SLC9A9: variants seen among roughly 807,000 people sequenced by gnomAD.
The protein encoded by SLC9A9 is sodium/hydrogen exchanger 9.
Under a neutral mutation model 77.8 loss-of-function variants are expected in SLC9A9, and 62 were observed. The ratio of observed to expected loss-of-function variants is 0.80; its 90% confidence interval spans 0.65 to 0.98. SLC9A9 has a LOEUF of 0.98. Among genes scored for constraint, SLC9A9 ranks in the 50% least tolerant of loss-of-function variants. SLC9A9 has a pLI of 0.00. For missense variants in SLC9A9, 775 were observed against 774.9 expected (o/e 1.00, Z 0.00); for synonymous variants, 320 against 283.5 (o/e 1.13, Z -1.29).
At chr3:143,782,447 A>C (rs1398628385) in intron 4 of SLC9A9, among the ~76,000 whole-genome samples, 1 of 152,202 alleles carries the variant, frequency 6.6e-6, no homozygotes, top group Non-Finnish European at 1.5e-5. Flanking sequence ...GGCGCAATTT[A>C]AATTGCAAGA....
chr3:143,663,766 A>G (rs1284895125), intron 5 of SLC9A9, among the ~76,000 whole-genome samples: 1 of 152,192 alleles, frequency 6.6e-6, no homozygotes, highest in African/African-American at 2.4e-5. Context: ...AAGTTTAGAG[A>G]AAAAAGAGTA....
chr3:143,339,854 T>C (rs1205483093), intron 14 of SLC9A9, among the ~76,000 whole-genome samples: 1 of 152,174 alleles, frequency 6.6e-6, no homozygotes, highest in Admixed American at 6.5e-5. Context: ...TTAATACAAC[T>C]CTGGGAGTGA....
chr3:143,490,406 G>A (rs914107569), intron 11 of SLC9A9, among the ~76,000 whole-genome samples: 50 of 117,434 alleles, frequency 4.3e-4, no homozygotes, highest in Non-Finnish European at 9.9e-4. Context: ...CATGCTAAGT[G>A]AAATAAACCA....
intron 1 of SLC9A9, among the ~76,000 whole-genome samples, chr3:143,836,833 A>G (rs868410715): frequency 7.2e-5 from 11 of 152,364 alleles, no homozygotes; most frequent in Middle Eastern, 3.4e-3. Context: ...AAAGATAAAT[A>G]AAATATGATT....
chr3:143,661,762 T>C (rs1185189306), intron 5 of SLC9A9, among the ~76,000 whole-genome samples: 2 of 152,160 alleles, frequency 1.3e-5, no homozygotes, highest in African/African-American at 2.4e-5. Context: ...TGACCTCAAA[T>C]GATCCACCCA....
At chr3:143,803,381 G>A (rs2008620546) in intron 2 of SLC9A9, among the ~76,000 whole-genome samples, 1 of 152,134 alleles carries the variant, frequency 6.6e-6, no homozygotes. Flanking sequence ...CACTACTTGG[G>A]CAGAGCCCCC....
intron 5 of SLC9A9, among the ~76,000 whole-genome samples, chr3:143,663,776 A>C (rs2039018694): frequency 6.6e-6 from 1 of 152,220 alleles, no homozygotes; most frequent in Non-Finnish European, 1.5e-5. Flanking sequence ...AAAAAAGAGT[A>C]AAAAGAAATG....
intron 11 of SLC9A9, among the ~76,000 whole-genome samples, chr3:143,470,024 A>G (rs1309587036): frequency 2.0e-5 from 3 of 152,184 alleles, no homozygotes; most frequent in African/African-American, 7.2e-5. Context: ...TGACTATTTT[A>G]ATAGTGTTCT....
At chr3:143,367,429 C>CT (rs1455187470) in intron 13 of SLC9A9, among the ~76,000 whole-genome samples, 13 of 152,156 alleles carry the variant, frequency 8.5e-5, no homozygotes, top group Non-Finnish European at 1.0e-4. Flanking sequence ...CAGAATATGT[C>CT]TTAAATATCT....
chr3:143,365,588 G>A (rs958401506), intron 13 of SLC9A9, among the ~76,000 whole-genome samples: 1 of 152,164 alleles, frequency 6.6e-6, no homozygotes, highest in African/African-American at 2.4e-5. Flanking sequence ...GGACATTAGA[G>A]TTCCACAGGT....
At chr3:143,581,277 G>C (rs1357182067) in intron 6 of SLC9A9, among the ~76,000 whole-genome samples, 1 of 152,138 alleles carries the variant, frequency 6.6e-6, no homozygotes, top group African/African-American at 2.4e-5. Context: ...ACCTATGTGG[G>C]CACGTGTGGT....
chr3:143,720,028 C>A (rs966867199), intron 4 of SLC9A9, among the ~76,000 whole-genome samples: 5 of 151,728 alleles, frequency 3.3e-5, no homozygotes, highest in African/African-American at 1.2e-4. Context: ...TAATTCCTAA[C>A]CCTAATAGTT....
At chr3:143,722,035 AAC>A (rs755639406) in intron 4 of SLC9A9, among the ~76,000 whole-genome samples, 1 of 152,092 alleles carries the variant, frequency 6.6e-6, no homozygotes, top group African/African-American at 2.4e-5. Context: ...TTAAAAAGTG[AAC>A]AAAGGGTAGC....
chr3:143,618,312 G>C (rs2038141687), intron 6 of SLC9A9, among the ~76,000 whole-genome samples: 1 of 152,188 alleles, frequency 6.6e-6, no homozygotes, highest in Admixed American at 6.5e-5. Context: ...GAGATCAGAA[G>C]TTGGAGGAGT....
At chr3:143,827,800 T>C (rs924895455) in intron 2 of SLC9A9, among the ~76,000 whole-genome samples, 3 of 152,296 alleles carry the variant, frequency 2.0e-5, no homozygotes, top group Admixed American at 1.3e-4. Flanking sequence ...TCATGTAACT[T>C]TTAGAAACAA....
At chr3:143,307,048 T>G (rs2030818488) in intron 14 of SLC9A9, among the ~76,000 whole-genome samples, 1 of 152,244 alleles carries the variant, frequency 6.6e-6, no homozygotes, top group Admixed American at 6.5e-5. Flanking sequence ...TCTGTGTCCT[T>G]GTCTATGAAA....
At chr3:143,842,367 C>T (rs1247693045) in intron 1 of SLC9A9, among the ~76,000 whole-genome samples, 5 of 152,040 alleles carry the variant, frequency 3.3e-5, no homozygotes, top group African/African-American at 9.7e-5. Context: ...GGTGACAGAG[C>T]GAGACTCCGT....
intron 13 of SLC9A9, among the ~76,000 whole-genome samples, chr3:143,373,149 A>G (rs1335297140): frequency 6.6e-6 from 1 of 152,186 alleles, no homozygotes; most frequent in Middle Eastern, 3.2e-3. Context: ...ACACCTGCAC[A>G]TGTATATTTA....
intron 9 of SLC9A9, among the ~76,000 whole-genome samples, chr3:143,543,228 A>G (rs2108631612): frequency 6.6e-6 from 1 of 152,232 alleles, no homozygotes; most frequent in East Asian, 1.9e-4. Flanking sequence ...GTTCATCTGG[A>G]CTTACCTTTC....
Sources: gnomAD v4.1 joint callset for allele counts (sites outside exome capture counted in the v4.1 genomes callset) on GRCh38, gnomAD v4.1.1 for gene constraint, MANE v1.5 for transcripts, NCBI Gene and HGNC (gene_info 2026-07-23, HGNC 2026-07-21) for gene names.